Variants in GRID2 observed in about 807,000 individuals in gnomAD.
GRID2 encodes the protein glutamate receptor ionotropic, delta-2.
GRID2 carries 33 observed loss-of-function variants against 114.8 expected under a neutral mutation model. The observed-to-expected ratio is 0.29, with a 90% CI of 0.22 to 0.38. The LOEUF is 0.38. GRID2 is among the 10% of genes least tolerant of loss of function. GRID2 has a pLI of 1.00. For synonymous variants in GRID2, 505 were observed against 449.9 expected, an observed-to-expected ratio of 1.12 and a Z score of -1.55; for missense variants, 1,184 against 1,257.7, an observed-to-expected ratio of 0.94 and a Z score of 0.89.
At chr4:93,701,032 T>G in intron 14 of GRID2, among the ~76,000 whole-genome samples, 1 of 152,126 alleles carries the variant, frequency 6.6e-6, no homozygotes, top group East Asian at 1.9e-4. Flanking sequence ...TAAGCAAGCT[T>G]CACAAAGAGT....
intron 2 of GRID2, among the ~76,000 whole-genome samples, chr4:93,084,601 A>G (rs557143868): frequency 1.3e-5 from 2 of 152,326 alleles, no homozygotes; most frequent in South Asian, 4.1e-4. Context: ...GTAGGGAATT[A>G]TCTTTTCTCT....
At chr4:93,245,903 A>G (rs1191565580) in intron 8 of GRID2, among the ~76,000 whole-genome samples, 1 of 152,244 alleles carries the variant, frequency 6.6e-6, no homozygotes, top group African/African-American at 2.4e-5. Context: ...TTCATTTTCA[A>G]CCCAACACAA....
At chr4:93,770,884 A>G (rs562819785) in intron 15 of GRID2, among the ~76,000 whole-genome samples, 4 of 152,308 alleles carry the variant, frequency 2.6e-5, no homozygotes, top group South Asian at 4.1e-4. Context: ...ATATGTCTCA[A>G]TCCTCTAAAG....
intron 13 of GRID2, among the ~76,000 whole-genome samples, chr4:93,598,666 G>C (rs1186704620): frequency 6.6e-6 from 1 of 152,032 alleles, no homozygotes; most frequent in African/African-American, 2.4e-5. Flanking sequence ...AGTATGTTTT[G>C]TATTTACAGA....
chr4:92,835,101 T>C (rs542305894), intron 2 of GRID2, among the ~76,000 whole-genome samples: 73 of 151,746 alleles, frequency 4.8e-4, no homozygotes, highest in African/African-American at 1.5e-3. Flanking sequence ...TAATATGATA[T>C]GGCAGTGCTC....
At chr4:93,038,823 T>C (rs1454159556) in intron 2 of GRID2, among the ~76,000 whole-genome samples, 4 of 151,230 alleles carry the variant, frequency 2.6e-5, no homozygotes, top group Non-Finnish European at 4.4e-5. Context: ...AAACAACAGA[T>C]ACTGGAGAGG....
chr4:93,490,718 A>G lies in GRID2; in HGVS notation c.1938A>G (p.Ser646=), dbSNP rs760013146. 4.3e-6 allele frequency: 7 copies of G among 1,610,490 alleles called. No individual in the cohort carries two copies. Among genetic ancestry groups the G allele is most frequent in the Middle Eastern group, 3.3e-4 (2 of 6,068 alleles). ...GGCTATTTGCTTTGATTGTTATCTC[A>G]TCTTACACGGCAAACCTCGCTGCTT... is the stretch of plus-strand genomic sequence containing the variant. ...AWWLFALIVI[S]SYTANLAAFL... is the part of the protein sequence containing the mutation. The change falls in exon 12 of 16, where the codon TCA becomes TCG. Residue 646 remains serine (S), a synonymous_variant. Transcript: ENST00000282020.
chr4:92,354,519 C>T (rs569770587), intron 1 of GRID2, among the ~76,000 whole-genome samples: 1 of 151,760 alleles, frequency 6.6e-6, no homozygotes, highest in African/African-American at 2.4e-5. Context: ...TCTTTCATGC[C>T]TTTTACTTTT....
intron 8 of GRID2, among the ~76,000 whole-genome samples, chr4:93,375,399 G>C (rs145182364): frequency 0.012 from 1,874 of 152,026 alleles, 45 homozygotes; most frequent in African/African-American, 0.043. Flanking sequence ...TTTTAGTAGA[G>C]ATGGGGTTTC....
chr4:92,818,545 T>A (rs574200986), intron 2 of GRID2, among the ~76,000 whole-genome samples: 1 of 152,262 alleles, frequency 6.6e-6, no homozygotes, highest in Admixed American at 6.5e-5. Flanking sequence ...GGTGTATTGC[T>A]TGGAAATGAT....
rs76614134 is a variant in GRID2 at position 93,553,511 on chromosome 4, C to A, written c.2193+38100C>A. 8.7e-3 allele frequency among the ~76,000 whole-genome samples: 1,332 copies of A among 152,234 alleles called. 15 individuals carry two copies. The highest frequency in any genetic ancestry group is 0.03 in the African/African-American group (1,247 of 41,528). ...AGCTGTGTGTATTCTGATAAACTTGCCTGCTACATTTTCATTTCAAATCCT... is the reference window on the plus strand; with the variant it reads ...AGCTGTGTGTATTCTGATAAACTTGACTGCTACATTTTCATTTCAAATCCT... On this transcript the variant is annotated intron_variant, in intron 13 of 15. Coordinates refer to ENST00000282020, the MANE Select transcript of GRID2 (RefSeq NM_001510.4).
intron 2 of GRID2, among the ~76,000 whole-genome samples, chr4:92,971,631 G>C (rs1046424613): frequency 6.6e-6 from 1 of 151,860 alleles, no homozygotes; most frequent in Non-Finnish European, 1.5e-5. Context: ...CAGAACACTT[G>C]AATTTATTCC....
intron 8 of GRID2, among the ~76,000 whole-genome samples, chr4:93,276,622 G>A (rs1425255379): frequency 6.6e-6 from 1 of 151,852 alleles, no homozygotes; most frequent in Non-Finnish European, 1.5e-5. Flanking sequence ...GTAGTTTCCA[G>A]TGTACAAGTC....
At chr4:92,625,271 CAAG>C (rs952452583) in intron 2 of GRID2, among the ~76,000 whole-genome samples, 10 of 151,742 alleles carry the variant, frequency 6.6e-5, no homozygotes, top group Admixed American at 3.3e-4. Flanking sequence ...TCATGATACT[CAAG>C]AAATAATTGT....
At chr4:92,452,289 A>G (rs1286876239) in intron 1 of GRID2, among the ~76,000 whole-genome samples, 1 of 151,802 alleles carries the variant, frequency 6.6e-6, no homozygotes, top group Non-Finnish European at 1.5e-5. Context: ...TGCTTTGGTT[A>G]GCAAATTTAG....
chr4:92,772,635 A>G (rs1354431051), intron 2 of GRID2, among the ~76,000 whole-genome samples: 1 of 152,202 alleles, frequency 6.6e-6, no homozygotes, highest in Admixed American at 6.5e-5. Flanking sequence ...ATAATTACAT[A>G]TCATAGCTCA....
intron 12 of GRID2, among the ~76,000 whole-genome samples, chr4:93,492,929 C>T (rs1276656514): frequency 1.3e-5 from 2 of 151,796 alleles, no homozygotes; most frequent in Non-Finnish European, 2.9e-5. Context: ...CCCCTGGCAA[C>T]CACCATTCTA....
Position 93,049,224 on chromosome 4 carries a change from T to A in GRID2, c.245-35771T>A, listed in dbSNP as rs146091037. On this transcript the variant is annotated intron_variant, in intron 2 of 15. Coordinates refer to ENST00000282020, the MANE Select transcript of GRID2 (RefSeq NM_001510.4). ...TTCTGTTTTAAAATAAGTTATGAATTTCAAAATAATACATTAACAGTATGG... is the reference window on the plus strand; with the variant it reads ...TTCTGTTTTAAAATAAGTTATGAATATCAAAATAATACATTAACAGTATGG... Among the ~76,000 whole-genome samples, 677 of 152,214 alleles carry A rather than the reference T, an allele frequency of 4.4e-3. 8 individuals carry two copies. The highest frequency in any genetic ancestry group is 0.015 in the African/African-American group (641 of 41,554).
intron 4 of GRID2, among the ~76,000 whole-genome samples, chr4:93,194,600 ACT>A (rs1741300126): frequency 1.3e-5 from 2 of 151,938 alleles, no homozygotes; most frequent in African/African-American, 4.8e-5. Flanking sequence ...AACAGGACAA[ACT>A]CTGTCTTGCT....
Sources: gnomAD v4.1 joint callset for allele counts (sites outside exome capture counted in the v4.1 genomes callset) on GRCh38, gnomAD v4.1.1 for gene constraint, MANE v1.5 for transcripts, NCBI Gene and HGNC (gene_info 2026-07-23, HGNC 2026-07-21) for gene names.